AMPH: variants seen among roughly 807,000 people sequenced by gnomAD.
The protein encoded by AMPH is amphiphysin.
A neutral mutation model predicts 99.1 loss-of-function variants in AMPH; 49 were observed. The ratio of observed to expected loss-of-function variants is 0.49; its 90% CI spans 0.39 to 0.63. AMPH has a LOEUF of 0.63. AMPH is among the 20% of genes least tolerant of loss of function. AMPH has a pLI of 0.00. For missense variants in AMPH, 759 were observed against 863.4 expected, an observed-to-expected ratio of 0.88 and a Z score of 1.52; for synonymous variants, 314 against 317.3, an observed-to-expected ratio of 0.99 and a Z score of 0.11.
intron 9 of AMPH, 50 bp from the exon 10 acceptor site, chr7:38,463,163 C>A: frequency 5.0e-6 from 8 of 1,612,966 alleles, no homozygotes; most frequent in Non-Finnish European, 6.8e-6. Context: ...GAACAGTATT[C>A]ATCTAATCAG....
rs550606837 is a variant in AMPH, at chr7:38,482,159, G to A, written c.397-5190C>T. Among the ~76,000 whole-genome samples the A allele has an allele frequency of 1.6e-3, 239 of 152,034 alleles. 2 individuals carry two copies. Among genetic ancestry groups the A allele is most frequent in the African/African-American group, 5.5e-3 (230 of 41,474 alleles). ...CCTCAACTGTTACTTGTGTTATATG[G>A]CTTCACAATTATCTATCTTGGTTGA... On this transcript the variant is annotated intron_variant, in intron 5 of 20. Transcript: ENST00000356264.
intron 1 of AMPH, among the ~76,000 whole-genome samples, chr7:38,571,635 T>C (rs1178980061): frequency 2.0e-5 from 3 of 148,060 alleles, no homozygotes; most frequent in African/African-American, 7.4e-5. Flanking sequence ...TTTGTACAGG[T>C]GTACAATGTG....
intron 1 of AMPH, among the ~76,000 whole-genome samples, chr7:38,550,961 A>C (rs1791160312): frequency 6.6e-6 from 1 of 152,174 alleles, no homozygotes; most frequent in South Asian, 2.1e-4. Flanking sequence ...AGTGACACTC[A>C]AAAACTTCAC....
chr7:38,545,698 G>T (rs1266582180), intron 1 of AMPH, among the ~76,000 whole-genome samples: 1 of 152,128 alleles, frequency 6.6e-6, no homozygotes, highest in Middle Eastern at 3.2e-3. Flanking sequence ...ATCTCAGATT[G>T]GTAGATGTTC....
intron 11 of AMPH, among the ~76,000 whole-genome samples, chr7:38,440,127 C>A (rs570171365): frequency 6.6e-6 from 1 of 152,134 alleles, no homozygotes; most frequent in East Asian, 1.9e-4. Flanking sequence ...ACATGTGGAC[C>A]AATCATAATC....
At chr7:38,607,423 A>C (rs1793471556) in intron 1 of AMPH, among the ~76,000 whole-genome samples, 1 of 152,240 alleles carries the variant, frequency 6.6e-6, no homozygotes, top group Non-Finnish European at 1.5e-5. Context: ...TAAATGGTGC[A>C]TGTCCATTAA....
intron 18 of AMPH, among the ~76,000 whole-genome samples, chr7:38,392,938 T>C (rs1247160095): frequency 6.6e-6 from 1 of 152,214 alleles, no homozygotes; most frequent in African/African-American, 2.4e-5. Flanking sequence ...TACTCTAGTG[T>C]CTGAACCAAA....
chr7:38,472,642 A>G (rs1787926874), intron 7 of AMPH, among the ~76,000 whole-genome samples: 1 of 152,164 alleles, frequency 6.6e-6, no homozygotes, highest in Admixed American at 6.5e-5. Flanking sequence ...TGGTTGAGTA[A>G]TCTGGATTTC....
intron 11 of AMPH, among the ~76,000 whole-genome samples, chr7:38,445,050 A>ACAT (rs1385613136): frequency 4.3e-4 from 62 of 145,156 alleles, no homozygotes; most frequent in East Asian, 2.9e-3. Context: ...ATACATATAT[A>ACAT]GATGGTATAT....
chr7:38,444,484 G>C (rs1786680230), intron 11 of AMPH, among the ~76,000 whole-genome samples: 1 of 152,150 alleles, frequency 6.6e-6, no homozygotes, highest in South Asian at 2.1e-4. Flanking sequence ...TGAAGACACA[G>C]AGCCCACAGA....
chr7:38,428,523 T>C (rs886545205), intron 14 of AMPH: 5 of 456,614 alleles, frequency 1.1e-5, no homozygotes, highest in African/African-American at 1.0e-4. Context: ...AGTCTCACAC[T>C]GAATTTCTTC....
chr7:38,432,893 T>G (rs6462840), intron 12 of AMPH, among the ~76,000 whole-genome samples: 58,702 of 152,068 alleles, frequency 0.39, 11,704 homozygotes, highest in East Asian at 0.66. Flanking sequence ...TACTGGTATT[T>G]TAATTATAAA....
chr7:38,497,666 G>A (rs1788981710), intron 3 of AMPH, among the ~76,000 whole-genome samples: 1 of 152,296 alleles, frequency 6.6e-6, no homozygotes, highest in South Asian at 2.1e-4. Flanking sequence ...TTAAAAGAAC[G>A]TCTAAAATAC....
chr7:38,542,675 A>G (rs1324204908), intron 1 of AMPH, among the ~76,000 whole-genome samples: 3 of 152,214 alleles, frequency 2.0e-5, no homozygotes, highest in African/African-American at 7.2e-5. Flanking sequence ...AAGATGAGTT[A>G]GCAATGTAAA....
At position 38,557,731 on chromosome 7, in the gene AMPH, T is replaced by C. The variant is rs150905125; in HGVS notation, c.70-22720A>G. On this transcript the variant is annotated intron_variant, in intron 1 of 20. Transcript: ENST00000356264. ...TGAACAAGACAAAGGCCCTCCTCCA[T>C]GGAATTTATATTCTCTTGTGAGAGA... 7.7e-3 allele frequency among the ~76,000 whole-genome samples: 1,176 copies of C among 152,242 alleles called. 17 individuals carry two copies. The highest frequency in any genetic ancestry group is 0.027 in the African/African-American group (1,108 of 41,536).
chr7:38,436,181 T>C, intron 12 of AMPH, 91 bp downstream of exon 12: 1 of 891,302 alleles, frequency 1.1e-6, no homozygotes, highest in Non-Finnish European at 1.8e-6. Flanking sequence ...AAATAGATAG[T>C]AGTCATGAAA....
chr7:38,403,128 C>T (rs548372429), intron 17 of AMPH, among the ~76,000 whole-genome samples: 119 of 152,182 alleles, frequency 7.8e-4, no homozygotes, highest in Middle Eastern at 6.8e-3. Flanking sequence ...ATCAAAGTTA[C>T]AGACGAGTGG....
In AMPH at chr7:38,558,293, G is replaced by A. The variant is rs544965018; in HGVS notation, c.70-23282C>T. 7.9e-5 allele frequency among the ~76,000 whole-genome samples: 12 copies of A among 152,280 alleles called. No individual in the cohort carries two copies. The East Asian group carries it at 2.1e-3, about 27-fold the overall frequency. On this transcript the variant is annotated intron_variant, in intron 1 of 20. Coordinates refer to ENST00000356264, the MANE Select transcript of AMPH (RefSeq NM_001635.4). ...AAGGGCAATGCACTGATGGTTTGGG[G>A]CTGCCATATACCAGGGGTTCTGCAC...
intron 1 of AMPH, among the ~76,000 whole-genome samples, chr7:38,544,538 T>C (rs1013369215): frequency 6.6e-6 from 1 of 152,198 alleles, no homozygotes; most frequent in African/African-American, 2.4e-5. Flanking sequence ...TTTATCAGGA[T>C]GGGAGGAAGG....
Sources: allele counts gnomAD v4.1 joint callset (sites outside exome capture counted in the v4.1 genomes callset), GRCh38; gene constraint gnomAD v4.1.1; transcripts MANE v1.5; gene names NCBI Gene and HGNC (gene_info 2026-07-23, HGNC 2026-07-21).